The following CRACR2A variants were observed in gnomAD, a reference collection of about 807,000 sequenced individuals.
CRACR2A encodes calcium release activated channel regulator 2A, also known as EF-hand calcium-binding domain-containing protein 4B.
A neutral mutation model predicts 90.5 loss-of-function variants in CRACR2A; 79 were observed. The observed-to-expected ratio is 0.87, with a 90% CI of 0.73 to 1.05. The LOEUF (loss-of-function observed/expected upper bound fraction) is 1.05. Among genes scored for constraint, CRACR2A ranks in the 50% least tolerant of loss-of-function variants. The pLI is 0.00. For missense variants in CRACR2A, 823 were observed against 897.2 expected, an observed-to-expected ratio of 0.92 and a Z score of 1.06; for synonymous variants, 338 against 356.7, an observed-to-expected ratio of 0.95 and a Z score of 0.59.
chr12:3,726,697 C>T (rs1049718344), intron 2 of CRACR2A: 3 of 151,898 alleles, frequency 2.0e-5, no homozygotes, highest in Non-Finnish European at 2.9e-5. Flanking sequence ...CTCAGTCTTA[C>T]GTATAAGTGT....
Position 3,638,158 on chromosome 12 carries a change from CG to C in CRACR2A, c.1567del (p.Arg523GlufsTer40), listed in dbSNP as rs760934861. The part of the protein sequence containing the change: ...PPLKLTPTSP[R>X]GQPVGKEALC... Reference sequence around the variant, plus strand: ...GGCTTCTTTTCCAACAGGCTGCCCTCGGGGGGATGTGGGGGTGAGTTTCAAG... The same window carrying C: ...GGCTTCTTTTCCAACAGGCTGCCCTCGGGGGATGTGGGGGTGAGTTTCAAG... On this transcript the variant is annotated frameshift_variant, in exon 14 of 20. Coordinates refer to ENST00000440314, the MANE Select transcript of CRACR2A (RefSeq NM_001144958.2). LOFTEE classifies it high-confidence loss of function. The C allele has an allele frequency of 1.3e-6, 2 of 1,549,346 alleles. No homozygotes were observed. Among genetic ancestry groups the C allele is most frequent in the South Asian group, 2.4e-5 (2 of 84,024 alleles).
At chr12:3,626,860 C>T (rs1265143022) in intron 17 of CRACR2A, among the ~76,000 whole-genome samples, 1 of 152,212 alleles carries the variant, frequency 6.6e-6, no homozygotes, top group Non-Finnish European at 1.5e-5. Flanking sequence ...AACACAGTTG[C>T]TCTTGGGCCC....
intron 3 of CRACR2A, among the ~76,000 whole-genome samples, chr12:3,699,894 A>G (rs1183745393): frequency 2.6e-5 from 4 of 152,316 alleles, no homozygotes. Context: ...AGGTAGCTCT[A>G]TATGTGGAAT....
At chr12:3,732,371 C>T (rs948447521) in intron 2 of CRACR2A, 3 of 152,256 alleles carry the variant, frequency 2.0e-5, no homozygotes, top group African/African-American at 7.2e-5. Context: ...AGCCCTCACC[C>T]ACGACCAGCA....
intron 1 of CRACR2A, among the ~76,000 whole-genome samples, chr12:3,739,553 A>G (rs551931499): frequency 1.3e-5 from 2 of 152,362 alleles, no homozygotes; most frequent in East Asian, 1.9e-4. Flanking sequence ...TTCAAATTGT[A>G]CAAATATGAA....
Position 3,713,305 on chromosome 12 carries a change from A to G in CRACR2A, c.-105T>C. 6.1e-6 allele frequency: 6 copies of G among 985,302 alleles called. No homozygotes were observed. Among genetic ancestry groups the G allele is most frequent in the Non-Finnish European group, 7.2e-6 (6 of 829,896 alleles). The allele number at this position is 985,302 out of a possible 1,614,324, so 61.0% of individuals were successfully genotyped here. On this transcript the variant is annotated 5_prime_UTR_variant, in exon 3 of 20. Transcript: ENST00000440314. ...CTGGAGGGTACTTTGGCCACTGGTGACTTGAATTCCACCTAGGAAACACAC... is the reference window on the plus strand; with the variant it reads ...CTGGAGGGTACTTTGGCCACTGGTGGCTTGAATTCCACCTAGGAAACACAC...
chr12:3,665,606 T>C (rs555668644), intron 7 of CRACR2A, among the ~76,000 whole-genome samples: 4 of 152,316 alleles, frequency 2.6e-5, no homozygotes, highest in African/African-American at 9.6e-5. Flanking sequence ...AAGGACCCCA[T>C]TCTGAGAGCC....
chr12:3,705,444 C>T (rs1164263749), intron 3 of CRACR2A, among the ~76,000 whole-genome samples: 2 of 152,194 alleles, frequency 1.3e-5, no homozygotes, highest in African/African-American at 4.8e-5. Flanking sequence ...TATCTCCTTC[C>T]ACACCACACC....
At chr12:3,663,108 ATGT>A (rs1360488189) in intron 7 of CRACR2A, among the ~76,000 whole-genome samples, 2 of 152,122 alleles carry the variant, frequency 1.3e-5, no homozygotes, top group Non-Finnish European at 2.9e-5. Flanking sequence ...ATTTGGGTTC[ATGT>A]TGTCTCAATT....
At chr12:3,685,929 A>C (rs188582879) in intron 4 of CRACR2A, among the ~76,000 whole-genome samples, 4 of 152,374 alleles carry the variant, frequency 2.6e-5, no homozygotes, top group Admixed American at 2.6e-4. Flanking sequence ...ATCACAATGC[A>C]GAGGACATCA....
At chr12:3,615,505 G>A (rs1309699870) in intron 19 of CRACR2A, 66 bp from the exon 20 acceptor site, 5 of 1,356,666 alleles carry the variant, frequency 3.7e-6, no homozygotes, top group East Asian at 2.5e-5. Flanking sequence ...TGGCAACCTG[G>A]ACAAGCTACC....
chr12:3,693,460 G>GAGTCTCCTTTA (rs1945686205), intron 4 of CRACR2A, among the ~76,000 whole-genome samples: 1 of 152,210 alleles, frequency 6.6e-6, no homozygotes. Flanking sequence ...GTCTCCTGTG[G>GAGTCTCCTTTA]GAGTAAGTCG....
At chr12:3,748,443 G>A (rs1371656742) in intron 1 of CRACR2A, among the ~76,000 whole-genome samples, 2 of 152,152 alleles carry the variant, frequency 1.3e-5, no homozygotes, top group Non-Finnish European at 2.9e-5. Context: ...AAAGTGTCCC[G>A]CTGGCATTCC....
chr12:3,713,632 C>A (rs917342569), intron 2 of CRACR2A, among the ~76,000 whole-genome samples: 3 of 152,210 alleles, frequency 2.0e-5, no homozygotes, highest in African/African-American at 7.2e-5. Flanking sequence ...CTGCCCCCAG[C>A]AGAGCTCCAG....
At chr12:3,727,414 C>A (rs1185693113) in intron 2 of CRACR2A, 1 of 152,248 alleles carries the variant, frequency 6.6e-6, no homozygotes, top group African/African-American at 2.4e-5. Context: ...GTTTGAGGCG[C>A]CTCTGCTAAT....
chr12:3,637,827 C>A (rs867560718), intron 14 of CRACR2A, among the ~76,000 whole-genome samples: 1 of 152,176 alleles, frequency 6.6e-6, no homozygotes, highest in Non-Finnish European at 1.5e-5. Context: ...CACCCCTCTG[C>A]GAAGAAGTAG....
At chr12:3,682,334 C>T (rs1945470919) in intron 4 of CRACR2A, among the ~76,000 whole-genome samples, 1 of 152,140 alleles carries the variant, frequency 6.6e-6, no homozygotes, top group Admixed American at 6.5e-5. Context: ...CTCAAACACC[C>T]CACACACTTT....
intron 7 of CRACR2A, among the ~76,000 whole-genome samples, chr12:3,671,556 G>A (rs564539417): frequency 1.3e-5 from 2 of 152,270 alleles, no homozygotes; most frequent in South Asian, 4.1e-4. Context: ...CGGTGGGGCT[G>A]GGGGCAAGAC....
intron 2 of CRACR2A, among the ~76,000 whole-genome samples, chr12:3,720,125 A>C (rs1946133930): frequency 1.4e-5 from 2 of 144,678 alleles, no homozygotes; most frequent in Admixed American, 1.4e-4. Context: ...ATCTCAAGAA[A>C]GAAAGAAAGA....
Sources: gnomAD v4.1 joint callset for allele counts (sites outside exome capture counted in the v4.1 genomes callset) on GRCh38, gnomAD v4.1.1 for gene constraint, MANE v1.5 for transcripts, NCBI Gene and HGNC (gene_info 2026-07-23, HGNC 2026-07-21) for gene names.